Variants in SULF1 observed in about 807,000 individuals in gnomAD.
SULF1 encodes the protein extracellular sulfatase Sulf-1.
In SULF1, 46 loss-of-function variants were observed where a neutral mutation model predicts 110.5. That is an observed-to-expected ratio of 0.42 (90% CI 0.33 to 0.53). The LOEUF (loss-of-function observed/expected upper bound fraction) is 0.53, where lower values mean the gene tolerates loss of function less well. SULF1 is among the 20% of genes least tolerant of loss of function. The pLI is 0.12. For missense variants in SULF1, 941 were observed against 1,094.2 expected (o/e 0.86, Z 1.98); for synonymous variants, 371 against 387.1 (o/e 0.96, Z 0.49).
chr8:69,616,096 T>TATAC (rs1554590112), intron 13 of SULF1, among the ~76,000 whole-genome samples: 6 of 132,756 alleles, frequency 4.5e-5, no homozygotes, highest in African/African-American at 1.4e-4. Flanking sequence ...TGTATATATA[T>TATAC]ACACACATAT....
chr8:69,614,089 A>G (rs980160658), intron 13 of SULF1, among the ~76,000 whole-genome samples: 3 of 152,036 alleles, frequency 2.0e-5, no homozygotes, highest in African/African-American at 7.3e-5. Flanking sequence ...GTGTGGGTGT[A>G]TGTATGTAAT....
At chr8:69,502,547 A>G (rs906065791) in intron 3 of SULF1, among the ~76,000 whole-genome samples, 2 of 152,116 alleles carry the variant, frequency 1.3e-5, no homozygotes, top group African/African-American at 4.8e-5. Context: ...GGCTTTTTCA[A>G]ATGTCAACTT....
intron 3 of SULF1, chr8:69,563,173 G>T (rs1408037751): frequency 6.6e-6 from 1 of 152,508 alleles, no homozygotes; most frequent in Non-Finnish European, 1.5e-5. Flanking sequence ...CATGCCCCTT[G>T]CGCCATCTGC....
intron 5 of SULF1, among the ~76,000 whole-genome samples, chr8:69,567,556 T>C (rs1217617232): frequency 2.0e-5 from 3 of 152,230 alleles, no homozygotes; most frequent in Non-Finnish European, 4.4e-5. Context: ...TTGACTACTC[T>C]AGGTATCTTA....
At chr8:69,597,900 C>T in intron 8 of SULF1, among the ~76,000 whole-genome samples, 1 of 152,120 alleles carries the variant, frequency 6.6e-6, no homozygotes, top group Admixed American at 6.5e-5. Flanking sequence ...AACCAACTTT[C>T]TATATTTCTC....
At chr8:69,574,390 C>T (rs898068016) in intron 5 of SULF1, among the ~76,000 whole-genome samples, 1 of 152,156 alleles carries the variant, frequency 6.6e-6, no homozygotes, top group South Asian at 2.1e-4. Context: ...CTGCAATCCC[C>T]CAATGATATA....
rs1376135586 is a variant in SULF1, at chr8:69,624,021, T to G, written c.1674T>G (p.Asn558Lys). 6.2e-7 allele frequency: 1 copy of G among 1,614,090 alleles called. No homozygotes were observed. The highest frequency in any genetic ancestry group is 1.7e-5 in the Admixed American group (1 of 60,012). ...VEFEGEIYDI[N>K]LEEEEELQVL... Reference sequence around the variant, plus strand: ...TTGAAGGTGAAATATATGACATAAATCTGGAAGAAGAAGAAGAATTGCAAG... The same window carrying G: ...TTGAAGGTGAAATATATGACATAAAGCTGGAAGAAGAAGAAGAATTGCAAG... Residue 558 changes from asparagine (N) to lysine (K), a missense_variant, in exon 15 of 23, where the codon AAT (asparagine) becomes AAG (lysine). By Grantham distance (94) the Asn-to-Lys change is moderately conservative (BLOSUM62 0). Coordinates refer to ENST00000402687, the MANE Select transcript of SULF1 (RefSeq NM_001128205.2).
rs776225014 is a variant in SULF1 at position 69,603,621 on chromosome 8, C to T, written c.1212C>T (p.Ala404=). 6.2e-7 allele frequency: 1 copy of T among 1,613,782 alleles called. No homozygotes were observed. The highest frequency in any genetic ancestry group is 8.5e-7 in the Non-Finnish European group (1 of 1,179,724). ...TCAGGTTTCGAACAAACAAGAAGGC[C>T]AAAATTTGGCGTGATACATTCCTAG... ...PGNRFRTNKK[A]KIWRDTFLVE... is the part of the protein sequence containing the mutation. Residue 404 remains alanine (A), a synonymous_variant, in exon 12 of 23, where the codon GCC becomes GCT. Coordinates refer to ENST00000402687, the MANE Select transcript of SULF1 (RefSeq NM_001128205.2).
intron 22 of SULF1, among the ~76,000 whole-genome samples, chr8:69,646,874 G>T (rs75953442): frequency 2.0e-5 from 3 of 149,930 alleles, no homozygotes; most frequent in African/African-American, 7.4e-5. Flanking sequence ...TCATATTATT[G>T]TATGACTGAA....
intron 15 of SULF1, chr8:69,625,842 G>GC (rs1441693411): frequency 6.6e-6 from 1 of 152,312 alleles, no homozygotes; most frequent in Non-Finnish European, 1.5e-5. Context: ...CTCTTATCTG[G>GC]CCCCACCCAC....
chr8:69,476,975 G>A (rs1045079757), intron 1 of SULF1, among the ~76,000 whole-genome samples: 2 of 152,184 alleles, frequency 1.3e-5, no homozygotes, highest in African/African-American at 4.8e-5. Context: ...AGGTCAATGG[G>A]CCAGGGTCCT....
intron 3 of SULF1, among the ~76,000 whole-genome samples, chr8:69,541,127 G>A (rs1156715696): frequency 6.6e-6 from 1 of 152,086 alleles, no homozygotes; most frequent in African/African-American, 2.4e-5. Context: ...GAAGGTGGTG[G>A]GATTTACAGG....
intron 13 of SULF1, among the ~76,000 whole-genome samples, chr8:69,620,199 C>T (rs1353766126): frequency 3.9e-5 from 6 of 152,178 alleles, no homozygotes; most frequent in Non-Finnish European, 7.3e-5. Flanking sequence ...TTCAGACGTT[C>T]CTCTTCTGTC....
intron 5 of SULF1, among the ~76,000 whole-genome samples, chr8:69,565,577 T>C (rs950156715): frequency 6.6e-6 from 1 of 152,158 alleles, no homozygotes; most frequent in African/African-American, 2.4e-5. Flanking sequence ...CTCTCATCTT[T>C]CCCAGTTTTT....
intron 3 of SULF1, among the ~76,000 whole-genome samples, chr8:69,503,647 A>G (rs1361699924): frequency 6.6e-6 from 1 of 152,180 alleles, no homozygotes; most frequent in Non-Finnish European, 1.5e-5. Flanking sequence ...TCAGTGCCAT[A>G]CCATTCAAAA....
At chr8:69,635,225 T>C (rs1207100001) in intron 19 of SULF1, among the ~76,000 whole-genome samples, 4 of 152,234 alleles carry the variant, frequency 2.6e-5, no homozygotes, top group African/African-American at 9.6e-5. Flanking sequence ...CAATGGCAGA[T>C]AAATGTCATC....
chr8:69,591,879 G>A (rs1157845245), intron 8 of SULF1, among the ~76,000 whole-genome samples: 2 of 152,188 alleles, frequency 1.3e-5, no homozygotes, highest in Non-Finnish European at 2.9e-5. Context: ...GCCAAGTCGA[G>A]TAGTTGTGTC....
intron 3 of SULF1, among the ~76,000 whole-genome samples, chr8:69,544,197 G>C (rs1363762718): frequency 6.6e-6 from 1 of 152,020 alleles, no homozygotes; most frequent in Non-Finnish European, 1.5e-5. Flanking sequence ...GTATTAATTT[G>C]AGTTTTTGGA....
chr8:69,490,682 C>G (rs560890133), upstream of SULF1, among the ~76,000 whole-genome samples: 1 of 152,274 alleles, frequency 6.6e-6, no homozygotes, highest in East Asian at 1.9e-4. Flanking sequence ...AGGTTTCTTC[C>G]AGCTTTCAGT....
Sources: gnomAD v4.1 joint callset for allele counts (sites outside exome capture counted in the v4.1 genomes callset) on GRCh38, gnomAD v4.1.1 for gene constraint, MANE v1.5 for transcripts, NCBI Gene and HGNC (gene_info 2026-07-23, HGNC 2026-07-21) for gene names.